The following SPIDR variants were observed in gnomAD, a reference collection of about 807,000 sequenced individuals.
The protein encoded by SPIDR is DNA repair-scaffolding protein.
A neutral mutation model predicts 104.6 loss-of-function variants in SPIDR; 93 were observed. The ratio of observed to expected loss-of-function variants is 0.89; its 90% CI spans 0.75 to 1.06. SPIDR has a LOEUF of 1.06. SPIDR is among the 50% of genes least tolerant of loss of function. The pLI, the probability that SPIDR is intolerant of heterozygous loss-of-function variation, is 0.00. For synonymous variants in SPIDR, 431 were observed against 416.9 expected (o/e 1.03, Z -0.41); for missense variants, 1,154 against 1,111.2 (o/e 1.04, Z -0.55).
At chr8:47,380,616 A>C (rs1554644961) in intron 5 of SPIDR, among the ~76,000 whole-genome samples, 1 of 152,010 alleles carries the variant, frequency 6.6e-6, no homozygotes, top group East Asian at 1.9e-4. Context: ...GGCTGACGAT[A>C]GGTGGAGGGG....
At chr8:47,546,783 TTGTCACCAAGAGACCA>T (rs2089466526) in intron 8 of SPIDR, 1 of 199,772 alleles carries the variant, frequency 5.0e-6, no homozygotes, top group Non-Finnish European at 1.0e-5. Context: ...AAGATCTAAT[TTGTCACCAAGAGACCA>T]TGTCACCTAC....
intron 5 of SPIDR, among the ~76,000 whole-genome samples, chr8:47,371,712 A>G (rs782437233): frequency 1.3e-5 from 2 of 152,160 alleles, no homozygotes; most frequent in Non-Finnish European, 2.9e-5. Context: ...AATAATTTCT[A>G]TCTCATAGGG....
At chr8:47,535,546 G>A (rs1478160990) in intron 8 of SPIDR, among the ~76,000 whole-genome samples, 1 of 151,954 alleles carries the variant, frequency 6.6e-6, no homozygotes, top group African/African-American at 2.4e-5. Context: ...CATATAAAAA[G>A]AATTATCTAC....
chr8:47,419,890 C>T (rs2065105361), intron 7 of SPIDR, among the ~76,000 whole-genome samples: 1 of 152,158 alleles, frequency 6.6e-6, no homozygotes, highest in Non-Finnish European at 1.5e-5. Context: ...AGTAGTCATT[C>T]AGGAGCAGGT....
chr8:47,674,460 G>T (rs1296999835), intron 11 of SPIDR, among the ~76,000 whole-genome samples: 1 of 151,900 alleles, frequency 6.6e-6, no homozygotes, highest in Admixed American at 6.6e-5. Context: ...GCCTATCTGT[G>T]CCTGTTACAT....
At chr8:47,729,513 C>T (rs1340057237) in intron 19 of SPIDR, 48 bp downstream of exon 19, 2 of 1,558,010 alleles carry the variant, frequency 1.3e-6, no homozygotes, top group Admixed American at 1.9e-5. Flanking sequence ...CAGTAGCCTG[C>T]ATGAGCAACT....
At chr8:47,721,344 A>G (rs1299923309) in intron 16 of SPIDR, among the ~76,000 whole-genome samples, 1 of 152,174 alleles carries the variant, frequency 6.6e-6, no homozygotes, top group Non-Finnish European at 1.5e-5. Flanking sequence ...CATTTGTTGA[A>G]AAGACTGTTC....
intron 10 of SPIDR, among the ~76,000 whole-genome samples, chr8:47,668,360 CAGAA>C (rs1183350041): frequency 6.6e-6 from 1 of 151,816 alleles, no homozygotes; most frequent in Non-Finnish European, 1.5e-5. Context: ...CTTTAATACT[CAGAA>C]AGAATTTGAA....
At chr8:47,419,204 T>A (rs1220521336) in intron 7 of SPIDR, 1 of 152,276 alleles carries the variant, frequency 6.6e-6, no homozygotes, top group Non-Finnish European at 1.5e-5. Flanking sequence ...TACCAGCTCC[T>A]CCTTGTATCT....
chr8:47,451,462 G>T (rs1428938791), intron 8 of SPIDR, among the ~76,000 whole-genome samples: 1 of 151,918 alleles, frequency 6.6e-6, no homozygotes, highest in Non-Finnish European at 1.5e-5. Context: ...CACTCCTGCA[G>T]TCCAGCTACT....
intron 7 of SPIDR, among the ~76,000 whole-genome samples, chr8:47,440,043 T>TTTC (rs1457890469): frequency 2.0e-5 from 3 of 152,114 alleles, no homozygotes; most frequent in Non-Finnish European, 4.4e-5. Flanking sequence ...GGGTCTAAGG[T>TTTC]TTCTATTTGT....
intron 5 of SPIDR, among the ~76,000 whole-genome samples, chr8:47,360,244 C>CAAAAAAAA (rs1186187617): frequency 8.2e-4 from 32 of 38,920 alleles, no homozygotes; most frequent in Admixed American, 2.3e-3. Context: ...GACTCCATCT[C>CAAAAAAAA]AAAAAAAAAA....
chr8:47,729,700 T>G, intron 19 of SPIDR: 1 of 532,906 alleles, frequency 1.9e-6, no homozygotes, highest in Admixed American at 3.5e-5. Flanking sequence ...TGCAGGAATC[T>G]GTCCCCTGGC....
intron 5 of SPIDR, among the ~76,000 whole-genome samples, chr8:47,343,693 T>G (rs1174054253): frequency 6.6e-6 from 1 of 152,130 alleles, no homozygotes; most frequent in African/African-American, 2.4e-5. Flanking sequence ...TGGGCTAAAG[T>G]GTGGAAGGAC....
At chr8:47,673,711 A>T in intron 10 of SPIDR, 90 bp from the exon 11 acceptor site, 1 of 1,549,178 alleles carries the variant, frequency 6.5e-7, no homozygotes, top group Non-Finnish European at 8.9e-7. Flanking sequence ...AGCAGTATAT[A>T]GTGGCTTTAT....
chr8:47,304,647 T>C (rs2042818462), intron 5 of SPIDR, among the ~76,000 whole-genome samples: 1 of 152,168 alleles, frequency 6.6e-6, no homozygotes, highest in South Asian at 2.1e-4. Flanking sequence ...CCTCCCACCA[T>C]GAGTGAAAGC....
At chr8:47,588,607 G>A (rs1214735791) in intron 8 of SPIDR, among the ~76,000 whole-genome samples, 2 of 152,052 alleles carry the variant, frequency 1.3e-5, no homozygotes, top group African/African-American at 4.8e-5. Flanking sequence ...GTACTATGTT[G>A]AATCAAAGTT....
At position 47,540,410 on chromosome 8, in the gene SPIDR, GGAT is replaced by G. The variant is rs747310706; in HGVS notation, c.1098-55397_1098-55395del. 5.7e-4 allele frequency among the ~76,000 whole-genome samples: 87 copies of G among 152,222 alleles called. 1 individual carries two copies. Among genetic ancestry groups the G allele is most frequent in the African/African-American group, 1.9e-3 (79 of 41,540 alleles). ...TTTAAAAAGTATCCCTGTTACTACA[GGAT>G]GATATTTTTTGAAAACTTATTTTAC... On this transcript the variant is annotated intron_variant, in intron 8 of 19. Transcript: ENST00000297423.
intron 5 of SPIDR, among the ~76,000 whole-genome samples, chr8:47,362,811 G>A (rs1295513987): frequency 1.3e-5 from 2 of 152,066 alleles, no homozygotes; most frequent in African/African-American, 2.4e-5. Context: ...CACCATGCCC[G>A]GCTAATTTTT....
Sources: gnomAD v4.1 joint callset for allele counts (sites outside exome capture counted in the v4.1 genomes callset) on GRCh38, gnomAD v4.1.1 for gene constraint, MANE v1.5 for transcripts, NCBI Gene and HGNC (gene_info 2026-07-23, HGNC 2026-07-21) for gene names.